Variants in HSD17B12 observed in about 807,000 individuals in gnomAD.
The protein encoded by HSD17B12 is very-long-chain 3-oxoacyl-CoA reductase.
Under a neutral mutation model 39.3 loss-of-function variants are expected in HSD17B12, and 32 were observed. The observed-to-expected ratio is 0.81, with a 90% CI of 0.61 to 1.09. The LOEUF is 1.09. Ranked by LOEUF, HSD17B12 falls within the 50% of genes least tolerant of loss-of-function variation. HSD17B12 has a pLI of 0.00. For missense variants in HSD17B12, 342 were observed against 382.9 expected, an observed-to-expected ratio of 0.89 and a Z score of 0.89; for synonymous variants, 150 against 146.7, an observed-to-expected ratio of 1.02 and a Z score of -0.16.
At chr11:43,571,494 A>G in the HSD17B12 span, among the ~76,000 whole-genome samples, 2 of 152,132 alleles carry the variant, frequency 1.3e-5, no homozygotes, top group African/African-American at 2.4e-5. Flanking sequence ...CATTCTCTCC[A>G]ATGTGCCTTT....
At chr11:43,590,505 G>GTTTTTTTTTT in the HSD17B12 span, among the ~76,000 whole-genome samples, 1 of 47,872 alleles carries the variant, frequency 2.1e-5, no homozygotes, top group African/African-American at 6.8e-5. Context: ...TGGAGTGAGT[G>GTTTTTTTTTT]ATTTTTTTTT....
the HSD17B12 span, among the ~76,000 whole-genome samples, chr11:43,593,443 A>G: frequency 6.6e-6 from 1 of 152,178 alleles, no homozygotes; most frequent in Non-Finnish European, 1.5e-5. Context: ...TGATTATGGA[A>G]CTGTGCAGTT....
chr11:43,571,396 T>A, the HSD17B12 span, among the ~76,000 whole-genome samples: 2 of 152,142 alleles, frequency 1.3e-5, no homozygotes, highest in Admixed American at 1.3e-4. Context: ...CAGCCCCCTA[T>A]CATGTGCTTG....
At chr11:43,749,832 T>C (rs1379305500) in intron 1 of HSD17B12, among the ~76,000 whole-genome samples, 1 of 152,120 alleles carries the variant, frequency 6.6e-6, no homozygotes, top group African/African-American at 2.4e-5. Flanking sequence ...AACTTGTTTT[T>C]CAAAGTCTGT....
chr11:43,809,362 C>G (rs930602478), intron 4 of HSD17B12, among the ~76,000 whole-genome samples: 2 of 152,302 alleles, frequency 1.3e-5, no homozygotes, highest in Non-Finnish European at 2.9e-5. Flanking sequence ...GGAGCTGGGA[C>G]TGAAACCTGG....
intron 3 of HSD17B12, among the ~76,000 whole-genome samples, chr11:43,774,505 G>A (rs917265760): frequency 2.6e-5 from 4 of 152,072 alleles, no homozygotes; most frequent in Non-Finnish European, 4.4e-5. Context: ...GAGCCACCAC[G>A]CCTGGCCAAG....
intron 3 of HSD17B12, among the ~76,000 whole-genome samples, chr11:43,782,643 C>G (rs984069012): frequency 6.7e-6 from 1 of 150,110 alleles, no homozygotes; most frequent in Non-Finnish European, 1.5e-5. Context: ...CCACTGCACT[C>G]CAGCCTGGGT....
At chr11:43,683,913 G>A (rs1949774334) in intron 1 of HSD17B12, among the ~76,000 whole-genome samples, 1 of 152,140 alleles carries the variant, frequency 6.6e-6, no homozygotes, top group Admixed American at 6.6e-5. Flanking sequence ...CAGAAAGCGT[G>A]GATTCTCACT....
chr11:43,855,162 C>T lies in HSD17B12; in HGVS notation c.853C>T (p.Leu285=). The T allele has an allele frequency of 1.2e-6, 2 of 1,609,224 alleles. No individual in the cohort carries two copies. Among genetic ancestry groups the T allele is most frequent in the Non-Finnish European group, 1.7e-6 (2 of 1,177,108 alleles). ...TCCCTAGGGCTCGATAATCTCAAACCTGCCTTCTTGGATTTATTTGAAAAT... is the reference window on the plus strand; with the variant it reads ...TCCCTAGGGCTCGATAATCTCAAACTTGCCTTCTTGGATTTATTTGAAAAT... ...HALMGSIISN[L]PSWIYLKIVM... Residue 285 remains leucine (L), a synonymous_variant, in exon 11 of 11, where the codon CTG becomes TTG. Transcript: ENST00000278353.
At chr11:43,598,146 G>A in the HSD17B12 span, among the ~76,000 whole-genome samples, 4 of 152,048 alleles carry the variant, frequency 2.6e-5, no homozygotes, top group African/African-American at 9.7e-5. Context: ...CTCATGGCTT[G>A]GGTGAAAGAA....
the HSD17B12 span, among the ~76,000 whole-genome samples, chr11:43,639,322 A>G: frequency 6.6e-6 from 1 of 152,198 alleles, no homozygotes; most frequent in Non-Finnish European, 1.5e-5. Flanking sequence ...CAGGAAAACG[A>G]GTAGAGCTGA....
At chr11:43,602,523 G>C in the HSD17B12 span, among the ~76,000 whole-genome samples, 1 of 152,188 alleles carries the variant, frequency 6.6e-6, no homozygotes, top group Non-Finnish European at 1.5e-5. Flanking sequence ...GCAGGAATTT[G>C]GGGTCCTTTT....
intron 3 of HSD17B12, among the ~76,000 whole-genome samples, chr11:43,789,202 T>C (rs1950844636): frequency 6.6e-6 from 1 of 152,240 alleles, no homozygotes; most frequent in Admixed American, 6.5e-5. Flanking sequence ...GCTTTCTCTT[T>C]GATGCTTTGT....
intron 3 of HSD17B12, among the ~76,000 whole-genome samples, chr11:43,761,536 G>T (rs1253482251): frequency 6.6e-6 from 1 of 152,176 alleles, no homozygotes; most frequent in Admixed American, 6.5e-5. Flanking sequence ...TTCTGGTCAG[G>T]AATTTTGTCA....
At chr11:43,762,449 A>G (rs1565078804) in intron 3 of HSD17B12, among the ~76,000 whole-genome samples, 1 of 152,230 alleles carries the variant, frequency 6.6e-6, no homozygotes, top group East Asian at 1.9e-4. Context: ...GAGTCCAGAT[A>G]CAGCCCTTGC....
At chr11:43,603,372 TA>T in the HSD17B12 span, among the ~76,000 whole-genome samples, 9 of 151,716 alleles carry the variant, frequency 5.9e-5, no homozygotes, top group Non-Finnish European at 7.4e-5. Context: ...ACCACATTAT[TA>T]AAAAAAAACT....
intron 3 of HSD17B12, among the ~76,000 whole-genome samples, chr11:43,754,368 T>C (rs1159479153): frequency 6.6e-6 from 1 of 151,834 alleles, no homozygotes; most frequent in African/African-American, 2.4e-5. Flanking sequence ...AGATCAGGAG[T>C]TTGAGACTGG....
intron 1 of HSD17B12, among the ~76,000 whole-genome samples, chr11:43,719,424 A>T (rs1283881482): frequency 6.6e-6 from 1 of 152,164 alleles, no homozygotes; most frequent in African/African-American, 2.4e-5. Context: ...GCTTTAGAAG[A>T]ACCCCTTTTA....
chr11:43,577,788 C>G, the HSD17B12 span, among the ~76,000 whole-genome samples: 1 of 152,184 alleles, frequency 6.6e-6, no homozygotes, highest in Non-Finnish European at 1.5e-5. Flanking sequence ...GCAGAGAATC[C>G]AAGCTAGGGA....
Sources: gnomAD v4.1 joint callset for allele counts (sites outside exome capture counted in the v4.1 genomes callset) on GRCh38, gnomAD v4.1.1 for gene constraint, MANE v1.5 for transcripts, NCBI Gene and HGNC (gene_info 2026-07-23, HGNC 2026-07-21) for gene names.